Variants in P3H2 observed in about 807,000 individuals in gnomAD.
P3H2 encodes prolyl 3-hydroxylase 2, also known as leprecan-like 1.
In P3H2, 80 loss-of-function variants were observed where a neutral mutation model predicts 87.0. The observed-to-expected ratio is 0.92, with a 90% CI of 0.77 to 1.11. The LOEUF is 1.11. Ranked by LOEUF, P3H2 falls within the 50% of genes least tolerant of loss-of-function variation. The probability of loss-of-function intolerance (pLI) is 0.00; values close to 1 mark genes in which losing one functional copy is unlikely to be tolerated. For missense variants in P3H2, 1,001 were observed against 923.9 expected (o/e 1.08, Z -1.08); for synonymous variants, 367 against 359.3 (o/e 1.02, Z -0.24).
intron 1 of P3H2, among the ~76,000 whole-genome samples, chr3:190,041,080 ACT>A (rs1396727352): frequency 0.045 from 1,761 of 39,522 alleles, 97 homozygotes; most frequent in Non-Finnish European, 0.067. Context: ...ACACACACAC[ACT>A]CTCTCTCTCT....
At chr3:190,032,017 C>T (rs1249370207) in intron 1 of P3H2, among the ~76,000 whole-genome samples, 1 of 152,136 alleles carries the variant, frequency 6.6e-6, no homozygotes, top group East Asian at 1.9e-4. Flanking sequence ...TACTGCTATA[C>T]CTCATAATGC....
chr3:190,041,121 T>C (rs1294125157), intron 1 of P3H2, among the ~76,000 whole-genome samples: 1 of 128,478 alleles, frequency 7.8e-6, no homozygotes. Context: ...TATATATATA[T>C]ATAAGCTGGG....
chr3:190,076,668 C>T (rs529404944), intron 1 of P3H2, among the ~76,000 whole-genome samples: 11 of 152,264 alleles, frequency 7.2e-5, no homozygotes, highest in African/African-American at 2.4e-4. Flanking sequence ...TCTAGCCTCA[C>T]TCATCTGAGA....
At chr3:189,999,291 A>G (rs1724140462) in intron 1 of P3H2, among the ~76,000 whole-genome samples, 1 of 152,212 alleles carries the variant, frequency 6.6e-6, no homozygotes, top group African/African-American at 2.4e-5. Context: ...ATCTATAAAA[A>G]AAGATTCCAT....
At chr3:190,081,689 C>A (rs750395162) in intron 1 of P3H2, among the ~76,000 whole-genome samples, 1 of 152,054 alleles carries the variant, frequency 6.6e-6, no homozygotes, top group South Asian at 2.1e-4. Context: ...GCTAGCCCTG[C>A]ATATTACTGT....
chr3:189,984,634 C>T lies in P3H2; in HGVS notation c.1189-44G>A, dbSNP rs866386796. On this transcript the variant is annotated intron_variant, in intron 6 of 14. Coordinates refer to ENST00000319332, the MANE Select transcript of P3H2 (RefSeq NM_018192.4). ...AAAAAAAAATGCAGTAATTTTGTCACTAAAACATCACTTACAGAATTAAGA... is the reference window on the plus strand; with the variant it reads ...AAAAAAAAATGCAGTAATTTTGTCATTAAAACATCACTTACAGAATTAAGA... 3.1e-6 allele frequency: 4 copies of T among 1,302,866 alleles called. No homozygotes were observed. The Middle Eastern group carries it at 5.5e-4, about 180-fold the overall frequency. The allele number at this position is 1,302,866 out of a possible 1,614,324, so 80.7% of individuals were successfully genotyped here. A position where few individuals can be genotyped will look rare whatever the true frequency, so the allele number is the denominator to read the frequency against.
intron 5 of P3H2, 56 bp downstream of exon 5, chr3:189,987,471 C>T: frequency 6.6e-7 from 1 of 1,524,014 alleles, no homozygotes; most frequent in Non-Finnish European, 8.8e-7. Context: ...AAGAGCGAAA[C>T]TCTGTCTTAA....
intron 1 of P3H2, among the ~76,000 whole-genome samples, chr3:190,099,411 G>GTA (rs1711539619): frequency 1.3e-5 from 2 of 152,180 alleles, no homozygotes; most frequent in Non-Finnish European, 2.9e-5. Context: ...TGGACAACGG[G>GTA]TATATATGCA....
At chr3:190,004,483 C>T (rs921042751) in intron 1 of P3H2, among the ~76,000 whole-genome samples, 1 of 151,972 alleles carries the variant, frequency 6.6e-6, no homozygotes, top group Non-Finnish European at 1.5e-5. Context: ...CCCGGGTTCA[C>T]GCCATTCTCC....
At chr3:189,976,899 A>G (rs1028383235) in intron 8 of P3H2, among the ~76,000 whole-genome samples, 2 of 152,230 alleles carry the variant, frequency 1.3e-5, no homozygotes, top group Non-Finnish European at 2.9e-5. Context: ...CTTTTCTACA[A>G]TTCACTATTT....
intron 1 of P3H2, among the ~76,000 whole-genome samples, chr3:190,022,976 A>G (rs991813635): frequency 6.7e-4 from 102 of 152,068 alleles, no homozygotes; most frequent in East Asian, 5.2e-3. Context: ...ACAGGCACCC[A>G]CCACCACGCC....
intron 1 of P3H2, among the ~76,000 whole-genome samples, chr3:190,027,055 T>C (rs186415768): frequency 6.7e-4 from 102 of 152,326 alleles, no homozygotes; most frequent in Non-Finnish European, 1.9e-4. Flanking sequence ...TTAATACACA[T>C]AACAATTTTA....
chr3:189,963,154 C>T (rs552442480), intron 14 of P3H2, among the ~76,000 whole-genome samples: 5 of 152,312 alleles, frequency 3.3e-5, no homozygotes, highest in Admixed American at 6.5e-5. Flanking sequence ...TTAATTCATA[C>T]CGCTGCAGCT....
intron 8 of P3H2, among the ~76,000 whole-genome samples, chr3:189,977,691 C>T (rs926665926): frequency 1.3e-5 from 2 of 152,080 alleles, no homozygotes; most frequent in Non-Finnish European, 2.9e-5. Context: ...GCCTTGACCT[C>T]CTATCCTCAA....
intron 1 of P3H2, among the ~76,000 whole-genome samples, chr3:189,998,715 G>C (rs1724123238): frequency 6.6e-6 from 1 of 152,162 alleles, no homozygotes; most frequent in African/African-American, 2.4e-5. Context: ...CTTGTAATAA[G>C]TTCAAAGGTA....
intron 9 of P3H2, 131 bp downstream of exon 9, chr3:189,974,427 T>G: frequency 8.0e-7 from 1 of 1,253,506 alleles, no homozygotes; most frequent in Non-Finnish European, 1.1e-6. Context: ...CAAAAATAAT[T>G]TATGTCTTTC....
intron 3 of P3H2, among the ~76,000 whole-genome samples, chr3:189,992,822 ATAAT>A (rs1206380799): frequency 3.3e-5 from 5 of 152,220 alleles, no homozygotes; most frequent in South Asian, 2.1e-4. Context: ...ATTACTACTG[ATAAT>A]TAAGAAGTAA....
chr3:190,102,564 T>C (rs1219231390), intron 1 of P3H2, among the ~76,000 whole-genome samples: 1 of 152,192 alleles, frequency 6.6e-6, no homozygotes, highest in Non-Finnish European at 1.5e-5. Flanking sequence ...AATCTTATAA[T>C]AAAACTCGAA....
intron 12 of P3H2, among the ~76,000 whole-genome samples, chr3:189,971,144 T>A (rs1723166681): frequency 6.6e-6 from 1 of 152,234 alleles, no homozygotes. Context: ...CACATTTCAC[T>A]TCCTCCACAG....
Sources: allele counts gnomAD v4.1 joint callset (sites outside exome capture counted in the v4.1 genomes callset), GRCh38; gene constraint gnomAD v4.1.1; transcripts MANE v1.5; gene names NCBI Gene and HGNC (gene_info 2026-07-23, HGNC 2026-07-21).